Variants in MAP4K4 observed in about 807,000 individuals in gnomAD.
The protein encoded by MAP4K4 is mitogen-activated protein kinase kinase kinase kinase 4.
MAP4K4 carries 38 observed loss-of-function variants against 189.6 expected under a neutral mutation model. That is an observed-to-expected ratio of 0.20 (90% CI 0.15 to 0.26). MAP4K4 has a LOEUF of 0.26. Among genes scored for constraint, MAP4K4 ranks in the 10% least tolerant of loss-of-function variants. MAP4K4 has a pLI of 1.00. For missense variants in MAP4K4, 1,054 were observed against 1,726.9 expected (o/e 0.61, Z 6.91); for synonymous variants, 610 against 624.3 (o/e 0.98, Z 0.34).
At chr2:101,873,898 A>C (rs748371171) in intron 25 of MAP4K4, 134 bp downstream of exon 25, 6 of 790,766 alleles carry the variant, frequency 7.6e-6, no homozygotes, top group Non-Finnish European at 1.2e-5. Context: ...TCCCAGTTGT[A>C]TGCCTTATTT....
At chr2:101,762,202 T>C (rs2076788151) in intron 2 of MAP4K4, among the ~76,000 whole-genome samples, 1 of 152,234 alleles carries the variant, frequency 6.6e-6, no homozygotes, top group Non-Finnish European at 1.5e-5. Flanking sequence ...TCAGAAATTG[T>C]GTATCCCACA....
intron 3 of MAP4K4, among the ~76,000 whole-genome samples, chr2:101,801,577 G>A (rs1022399786): frequency 6.6e-6 from 1 of 152,220 alleles, no homozygotes; most frequent in Non-Finnish European, 1.5e-5. Context: ...GAAAACAGGT[G>A]TTTGGCGTAA....
At chr2:101,768,460 G>A (rs1025361326) in intron 2 of MAP4K4, among the ~76,000 whole-genome samples, 2 of 152,182 alleles carry the variant, frequency 1.3e-5, no homozygotes, top group Non-Finnish European at 2.9e-5. Flanking sequence ...CGTTGATTAA[G>A]GTTTTGCTTA....
intron 2 of MAP4K4, among the ~76,000 whole-genome samples, chr2:101,701,194 T>C (rs2038459582): frequency 6.6e-6 from 1 of 152,236 alleles, no homozygotes; most frequent in Admixed American, 6.5e-5. Flanking sequence ...TTAGCGCAGA[T>C]GTTGCTTATT....
chr2:101,802,381 G>T (rs1482999666), intron 3 of MAP4K4, among the ~76,000 whole-genome samples: 1 of 152,172 alleles, frequency 6.6e-6, no homozygotes, highest in Non-Finnish European at 1.5e-5. Flanking sequence ...TGCTTTCTTA[G>T]CTCAGAGTAA....
chr2:101,849,295 G>T (rs547591631), intron 12 of MAP4K4, among the ~76,000 whole-genome samples: 5 of 151,930 alleles, frequency 3.3e-5, no homozygotes, highest in Non-Finnish European at 7.4e-5. Context: ...GCTAATTTTT[G>T]TATTTTTTGT....
intron 9 of MAP4K4, among the ~76,000 whole-genome samples, chr2:101,836,848 C>T (rs1042475463): frequency 1.3e-5 from 2 of 152,060 alleles, no homozygotes; most frequent in African/African-American, 2.4e-5. Flanking sequence ...GGATGACTTT[C>T]CCTGAGAAAA....
chr2:101,866,939 A>G (rs2097834963), intron 19 of MAP4K4, among the ~76,000 whole-genome samples: 1 of 151,628 alleles, frequency 6.6e-6, no homozygotes, highest in African/African-American at 2.4e-5. Context: ...AGATGAGTGA[A>G]TATTCCCTCT....
At chr2:101,734,675 G>C (rs1400883600) in intron 2 of MAP4K4, among the ~76,000 whole-genome samples, 1 of 152,204 alleles carries the variant, frequency 6.6e-6, no homozygotes, top group African/African-American at 2.4e-5. Flanking sequence ...TTGGTGGCCA[G>C]TGGGCTGGTT....
chr2:101,737,641 G>A (rs1245688037), intron 2 of MAP4K4, among the ~76,000 whole-genome samples: 1 of 151,322 alleles, frequency 6.6e-6, no homozygotes, highest in Non-Finnish European at 1.5e-5. Context: ...ACACATTCAA[G>A]ATAATCTGTT....
intron 28 of MAP4K4, among the ~76,000 whole-genome samples, chr2:101,882,904 CAG>C (rs1167561088): frequency 2.0e-5 from 3 of 152,220 alleles, no homozygotes; most frequent in Non-Finnish European, 4.4e-5. Context: ...ATATGCATAA[CAG>C]AGTTCGTCCC....
chr2:101,829,463 G>T, intron 5 of MAP4K4, 41 bp from the exon 6 acceptor site: 2 of 1,383,902 alleles, frequency 1.4e-6, no homozygotes, highest in Non-Finnish European at 2.0e-6. Context: ...TTTACTTATA[G>T]TCACAGAAAA....
chr2:101,834,105 G>A lies in MAP4K4; in HGVS notation c.640-304G>A, dbSNP rs181030954. Among the ~76,000 whole-genome samples, 73 of 152,194 alleles carry A rather than the reference G, an allele frequency of 4.8e-4. No homozygotes were observed. In the East Asian group the frequency reaches 0.013, roughly 27 times the overall value. On this transcript the variant is annotated intron_variant, in intron 7 of 32. Transcript: ENST00000324219. ...GATGCTTTTAAGTGGACCAGCTCTG[G>A]TTCATTCATAGATGTGAGTGGTTTT...
chr2:101,717,347 G>T (rs2048960888), intron 2 of MAP4K4, among the ~76,000 whole-genome samples: 1 of 152,178 alleles, frequency 6.6e-6, no homozygotes, highest in African/African-American at 2.4e-5. Flanking sequence ...AAGAGATATA[G>T]CTACAGGTAA....
intron 5 of MAP4K4, 52 bp from the exon 6 acceptor site, chr2:101,829,452 G>C: frequency 8.1e-7 from 1 of 1,240,524 alleles, no homozygotes; most frequent in Non-Finnish European, 1.2e-6. Flanking sequence ...GTTCCTGGCT[G>C]TTTACTTATA....
intron 12 of MAP4K4, among the ~76,000 whole-genome samples, chr2:101,844,677 A>G (rs372938655): frequency 3.3e-5 from 5 of 151,038 alleles, no homozygotes; most frequent in Non-Finnish European, 4.4e-5. Context: ...TTGCTTTTCT[A>G]CTCTCAGCCT....
chr2:101,870,843 G>A (rs986497601), intron 23 of MAP4K4, among the ~76,000 whole-genome samples: 1 of 152,164 alleles, frequency 6.6e-6, no homozygotes, highest in African/African-American at 2.4e-5. Context: ...CAGGCAGGAC[G>A]AGCCTCATCA....
At chr2:101,887,635 C>A in intron 30 of MAP4K4, 143 bp from the exon 31 acceptor site, 1 of 602,320 alleles carries the variant, frequency 1.7e-6, no homozygotes, top group Middle Eastern at 4.5e-4. Flanking sequence ...TATTGCATGA[C>A]TATTCTAAAA....
intron 7 of MAP4K4, among the ~76,000 whole-genome samples, chr2:101,832,060 A>G (rs903038140): frequency 6.6e-6 from 1 of 152,226 alleles, no homozygotes; most frequent in African/African-American, 2.4e-5. Flanking sequence ...TGTTCTCACT[A>G]AGGAATACAC....
Sources: gnomAD v4.1 joint callset for allele counts (sites outside exome capture counted in the v4.1 genomes callset) on GRCh38, gnomAD v4.1.1 for gene constraint, MANE v1.5 for transcripts, NCBI Gene and HGNC (gene_info 2026-07-23, HGNC 2026-07-21) for gene names.